GALNT17: variants seen among roughly 807,000 people sequenced by gnomAD.
GALNT17 encodes polypeptide N-acetylgalactosaminyltransferase 17, also known as UDP-GalNAc:polypeptide N-acetylgalactosaminyltransferase-like 3.
Under a neutral mutation model 63.7 loss-of-function variants are expected in GALNT17, and 29 were observed. That is an observed-to-expected ratio of 0.46 (90% CI 0.34 to 0.62). The LOEUF is 0.62. Ranked by LOEUF, GALNT17 falls within the 20% of genes least tolerant of loss-of-function variation. GALNT17 has a pLI of 0.01. For synonymous variants in GALNT17, 305 were observed against 318.3 expected, an observed-to-expected ratio of 0.96 and a Z score of 0.45; for missense variants, 603 against 799.6, an observed-to-expected ratio of 0.75 and a Z score of 2.97.
At chr7:71,140,004 A>G (rs1787857142) in intron 1 of GALNT17, among the ~76,000 whole-genome samples, 1 of 138,752 alleles carries the variant, frequency 7.2e-6, no homozygotes, top group South Asian at 2.1e-4. Context: ...AAAAATAAAC[A>G]AACAAACACA....
intron 5 of GALNT17, among the ~76,000 whole-genome samples, chr7:71,569,241 A>T (rs879486996): frequency 1.3e-5 from 2 of 152,094 alleles, no homozygotes; most frequent in Non-Finnish European, 2.9e-5. Context: ...AAGTTCTGGG[A>T]TTACAGGCGT....
intron 2 of GALNT17, among the ~76,000 whole-genome samples, chr7:71,338,595 T>C (rs1354529109): frequency 5.3e-5 from 8 of 152,100 alleles, no homozygotes; most frequent in Non-Finnish European, 1.2e-4. Context: ...AAGAATTACT[T>C]ATTTTCTGCT....
chr7:71,688,225 T>C (rs4717610), intron 9 of GALNT17, among the ~76,000 whole-genome samples: 107,669 of 152,098 alleles, frequency 0.71, 38,386 homozygotes, highest in East Asian at 0.85. Flanking sequence ...CCTCGTTGCA[T>C]GCAGATAGTG....
chr7:71,660,854 GC>G (rs1156287034), intron 6 of GALNT17, among the ~76,000 whole-genome samples: 1 of 152,208 alleles, frequency 6.6e-6, no homozygotes, highest in Admixed American at 6.5e-5. Context: ...ATCACTTAGA[GC>G]CAGCCCATGA....
At chr7:71,411,334 G>A (rs554248818) in intron 3 of GALNT17, among the ~76,000 whole-genome samples, 1 of 151,994 alleles carries the variant, frequency 6.6e-6, no homozygotes, top group Non-Finnish European at 1.5e-5. Flanking sequence ...TGGCTAGGCT[G>A]GTCTCGAACT....
At chr7:71,366,188 G>A (rs1211624225) in intron 2 of GALNT17, among the ~76,000 whole-genome samples, 2 of 152,116 alleles carry the variant, frequency 1.3e-5, no homozygotes, top group Non-Finnish European at 2.9e-5. Flanking sequence ...CCACTCTCCT[G>A]ACGCTCACCT....
intron 1 of GALNT17, among the ~76,000 whole-genome samples, chr7:71,224,580 A>T (rs773614660): frequency 6.6e-6 from 1 of 152,168 alleles, no homozygotes; most frequent in Admixed American, 6.5e-5. Context: ...ACCACGTGGT[A>T]TATCCGTCCT....
chr7:71,545,822 C>T (rs1213802904), intron 5 of GALNT17, among the ~76,000 whole-genome samples: 2 of 152,210 alleles, frequency 1.3e-5, no homozygotes, highest in Non-Finnish European at 2.9e-5. Flanking sequence ...GATGGAGCTT[C>T]AGCTATGAAA....
At chr7:71,397,429 G>A (rs1166459416) in intron 3 of GALNT17, among the ~76,000 whole-genome samples, 1 of 152,028 alleles carries the variant, frequency 6.6e-6, no homozygotes, top group East Asian at 1.9e-4. Context: ...AACATGTCTT[G>A]AGAGATACGA....
At chr7:71,632,349 T>G (rs1195282860) in intron 6 of GALNT17, among the ~76,000 whole-genome samples, 3 of 152,162 alleles carry the variant, frequency 2.0e-5, no homozygotes, top group Non-Finnish European at 2.9e-5. Context: ...ATGCATTCAT[T>G]CCTGTGATAT....
chr7:71,132,734 TGGCTGC>T lies in GALNT17; in HGVS notation c.-68_-63del. The T allele has an allele frequency of 2.2e-6, 3 of 1,375,562 alleles. No homozygotes were observed. The South Asian group carries it at 4.2e-5, about 19-fold the overall frequency. The allele number at this position is 1,375,562 out of a possible 1,614,324, so 85.2% of individuals were successfully genotyped here. A position where few individuals can be genotyped will look rare whatever the true frequency, so the allele number is the denominator to read the frequency against. On this transcript the variant is annotated 5_prime_UTR_variant, in exon 1 of 11. Coordinates refer to ENST00000333538, the MANE Select transcript of GALNT17 (RefSeq NM_022479.3). ...TGGTGTGTGAGGCTTGCACGGCCCCTGGCTGCCCCGCGCCTCGCCGGAGCCCGAGGG... is the reference window on the plus strand; with the variant it reads ...TGGTGTGTGAGGCTTGCACGGCCCCTCCCGCGCCTCGCCGGAGCCCGAGGG...
At position 71,335,568 on chromosome 7, in the gene GALNT17, G is replaced by A; in HGVS notation, c.257G>A (p.Gly86Glu). ...RQLNGLSKSL[G>E]LIEGYGGRGK... ...TTTCTAGGCTTATCCAAATCCCTTG[G>A]GCTCATTGAAGGTTATGGTGGGCGG... is the stretch of plus-strand genomic sequence containing the variant. The change falls in exon 2 of 11, where the codon GGG becomes GAG. Residue 86 changes from glycine to glutamate, a missense_variant. By Grantham distance (98) the Gly-to-Glu change is moderately conservative. Transcript: ENST00000333538. The A allele has an allele frequency of 6.2e-7, 1 of 1,600,148 alleles. No individual in the cohort carries two copies. The highest frequency in any genetic ancestry group is 2.3e-5 in the East Asian group (1 of 44,362).
At chr7:71,387,884 A>T (rs1488309186) in intron 2 of GALNT17, among the ~76,000 whole-genome samples, 2 of 152,116 alleles carry the variant, frequency 1.3e-5, no homozygotes, top group East Asian at 3.9e-4. Context: ...CTTGCACTCA[A>T]ACCTTTGTTT....
At chr7:71,710,160 C>A (rs978017877) in intron 9 of GALNT17, among the ~76,000 whole-genome samples, 1 of 152,090 alleles carries the variant, frequency 6.6e-6, no homozygotes, top group Admixed American at 6.5e-5. Context: ...TTCCTTCTCC[C>A]CGATGTTGCT....
At chr7:71,559,649 G>T (rs1789219717) in intron 5 of GALNT17, among the ~76,000 whole-genome samples, 1 of 152,106 alleles carries the variant, frequency 6.6e-6, no homozygotes, top group Non-Finnish European at 1.5e-5. Flanking sequence ...ATCGCTTGAG[G>T]CCAGGAGTCG....
At chr7:71,212,999 G>A (rs1434814260) in intron 1 of GALNT17, among the ~76,000 whole-genome samples, 3 of 152,134 alleles carry the variant, frequency 2.0e-5, no homozygotes, top group Non-Finnish European at 4.4e-5. Context: ...GGACTGTTGG[G>A]AAGGCATGAT....
chr7:71,321,327 C>A (rs375462732), intron 1 of GALNT17, among the ~76,000 whole-genome samples: 1 of 152,148 alleles, frequency 6.6e-6, no homozygotes, highest in East Asian at 1.9e-4. Context: ...TAGAAATATT[C>A]TTTGCACAGA....
chr7:71,286,798 G>GT (rs200429184), intron 1 of GALNT17, among the ~76,000 whole-genome samples: 1,815 of 149,794 alleles, frequency 0.012, 18 homozygotes, highest in Middle Eastern at 0.027. Flanking sequence ...TTGTTTGTTT[G>GT]TTTTTTTGAG....
intron 1 of GALNT17, among the ~76,000 whole-genome samples, chr7:71,158,489 G>A (rs1788278680): frequency 6.6e-6 from 1 of 151,656 alleles, no homozygotes; most frequent in African/African-American, 2.4e-5. Flanking sequence ...CCTCCTCCTG[G>A]ATTCAAGTGA....
Sources: gnomAD v4.1 joint callset for allele counts (sites outside exome capture counted in the v4.1 genomes callset) on GRCh38, gnomAD v4.1.1 for gene constraint, MANE v1.5 for transcripts, NCBI Gene and HGNC (gene_info 2026-07-23, HGNC 2026-07-21) for gene names.